Variants in FAM89A observed in about 807,000 individuals in gnomAD.
FAM89A encodes protein FAM89A.
In FAM89A, 10 loss-of-function variants were observed where a neutral mutation model predicts 7.1. That is an observed-to-expected ratio of 1.40 (90% CI 0.86 to 2.38). The LOEUF (loss-of-function observed/expected upper bound fraction) is 2.38, where lower values mean the gene tolerates loss of function less well. FAM89A is among the 30% of genes most tolerant of loss of function. The probability of loss-of-function intolerance (pLI) is 0.00; values close to 1 mark genes in which losing one functional copy is unlikely to be tolerated. For synonymous variants in FAM89A, 157 were observed against 129.3 expected (o/e 1.21, Z -1.45); for missense variants, 276 against 262.8 (o/e 1.05, Z -0.35).
intron 1 of FAM89A, chr1:231,025,990 C>G (rs1452606178): frequency 1.3e-5 from 2 of 153,598 alleles, no homozygotes; most frequent in East Asian, 3.9e-4. Context: ...GGCTCTGGAA[C>G]CTGCCTACCT....
At chr1:231,039,167 A>G (rs1232480223) in intron 1 of FAM89A, among the ~76,000 whole-genome samples, 2 of 152,252 alleles carry the variant, frequency 1.3e-5, no homozygotes, top group Admixed American at 1.3e-4. Context: ...GTTCTGGTCC[A>G]CAAACAGCTA....
rs138123188 is a variant in FAM89A, at chr1:231,037,293, A to C, written c.291+2628T>G. Among the ~76,000 whole-genome samples the C allele has an allele frequency of 1.3e-3, 203 of 152,366 alleles. 2 individuals carry two copies. In the South Asian group the frequency reaches 0.014, roughly 10 times the overall value. ...AGAAAGCACTTACATTGCACCTAAC[A>C]GAAGATATCCCAAAATACTAAAAGT... On this transcript the variant is annotated intron_variant, in intron 1 of 1. Transcript: ENST00000366654.
chr1:231,019,984 T>C lies in FAM89A; in HGVS notation c.434A>G (p.Glu145Gly). The change falls in exon 2 of 2, where the codon GAG becomes GGG. Residue 145 changes from glutamate to glycine, a missense_variant. Coordinates refer to ENST00000366654, the MANE Select transcript of FAM89A (RefSeq NM_198552.3). The part of the protein sequence containing the change: ...YALENGFFDE[E>G]EEYFQEQNSL... ...GTTCTGCTCCTGGAAATATTCCTCC[T>C]CTTCATCGAAGAAGCCGTTCTCCAG... is the stretch of plus-strand genomic sequence containing the variant. The C allele has an allele frequency of 6.2e-7, 1 of 1,614,170 alleles. No individual in the cohort carries two copies. The highest frequency in any genetic ancestry group is 8.5e-7 in the Non-Finnish European group (1 of 1,180,030).
chr1:231,028,991 C>A (rs2103073638), intron 1 of FAM89A, among the ~76,000 whole-genome samples: 1 of 152,328 alleles, frequency 6.6e-6, no homozygotes, highest in South Asian at 2.1e-4. Context: ...CGGTGGCTCC[C>A]AGCTGGGTGT....
chr1:231,032,388 C>T (rs1263784974), intron 1 of FAM89A, among the ~76,000 whole-genome samples: 1 of 125,286 alleles, frequency 8.0e-6, no homozygotes, highest in South Asian at 3.4e-4. Flanking sequence ...CCCCGCCAGC[C>T]CCCACCCCCC....
chr1:231,029,203 C>T (rs1165747178), intron 1 of FAM89A, among the ~76,000 whole-genome samples: 1 of 152,142 alleles, frequency 6.6e-6, no homozygotes, highest in Non-Finnish European at 1.5e-5. Context: ...TAAAAAACTG[C>T]CATTTGCAGA....
At chr1:231,036,295 G>A (rs1680154685) in intron 1 of FAM89A, among the ~76,000 whole-genome samples, 1 of 152,252 alleles carries the variant, frequency 6.6e-6, no homozygotes, top group Admixed American at 6.5e-5. Flanking sequence ...CATCTACCAG[G>A]TGTGATAAGC....
chr1:231,025,618 C>G (rs138450229), intron 1 of FAM89A, among the ~76,000 whole-genome samples: 1 of 151,576 alleles, frequency 6.6e-6, no homozygotes, highest in African/African-American at 2.4e-5. Context: ...GATTAGAGTT[C>G]GAAAGGATGT....
At chr1:231,039,644 G>A (rs1420164335) in intron 1 of FAM89A, among the ~76,000 whole-genome samples, 1 of 152,168 alleles carries the variant, frequency 6.6e-6, no homozygotes, top group Admixed American at 6.5e-5. Context: ...GCGCTTCCGG[G>A]CGCCCAGGTT....
chr1:231,024,757 G>T (rs1249369278), intron 1 of FAM89A, among the ~76,000 whole-genome samples: 1 of 151,762 alleles, frequency 6.6e-6, no homozygotes, highest in East Asian at 1.9e-4. Flanking sequence ...GCCCAGGCTG[G>T]TCTCAAACTC....
intron 1 of FAM89A, among the ~76,000 whole-genome samples, chr1:231,020,734 AACTG>A (rs765792294): frequency 1.3e-5 from 2 of 152,218 alleles, no homozygotes; most frequent in African/African-American, 4.8e-5. Flanking sequence ...TCCCCAGAGT[AACTG>A]ACTGAATATG....
chr1:231,036,120 C>A (rs1230759684), intron 1 of FAM89A, among the ~76,000 whole-genome samples: 2 of 152,196 alleles, frequency 1.3e-5, no homozygotes, highest in Non-Finnish European at 2.9e-5. Flanking sequence ...CTGGATTCCC[C>A]ATAAGCCCTA....
intron 1 of FAM89A, among the ~76,000 whole-genome samples, chr1:231,025,479 T>C (rs568413477): frequency 6.6e-6 from 1 of 152,244 alleles, no homozygotes; most frequent in South Asian, 2.1e-4. Context: ...TTTCCAGTAC[T>C]GTACTCAGGA....
At chr1:231,022,263 A>C in intron 1 of FAM89A, 1 of 791,324 alleles carries the variant, frequency 1.3e-6, no homozygotes, top group Non-Finnish European at 2.2e-6. Flanking sequence ...CTGAGCTCAA[A>C]AAGACTGTTT....
chr1:231,024,914 CTTTTTTTTTTTT>C (rs60500715), intron 1 of FAM89A, among the ~76,000 whole-genome samples: 3 of 63,410 alleles, frequency 4.7e-5, no homozygotes, highest in South Asian at 6.7e-4. Context: ...CACAACTACT[CTTTTTTTTTTTT>C]TTTTTTTTTT....
chr1:231,021,429 G>A (rs565301853), intron 1 of FAM89A, among the ~76,000 whole-genome samples: 4 of 152,292 alleles, frequency 2.6e-5, no homozygotes, highest in South Asian at 2.1e-4. Flanking sequence ...CGGTGGCAGC[G>A]CCTGCAGACC....
intron 1 of FAM89A, among the ~76,000 whole-genome samples, chr1:231,034,796 G>T (rs945954532): frequency 4.3e-5 from 6 of 139,358 alleles, no homozygotes; most frequent in Non-Finnish European, 9.3e-5. Context: ...AAAAAAAAAA[G>T]GCAGATTCCT....
intron 1 of FAM89A, among the ~76,000 whole-genome samples, chr1:231,025,400 A>G (rs1679953576): frequency 6.6e-6 from 1 of 152,158 alleles, no homozygotes; most frequent in African/African-American, 2.4e-5. Flanking sequence ...GGTTAGCTCA[A>G]ACACTTTGTG....
In FAM89A at chr1:231,020,125, A is replaced by G; in HGVS notation, c.293T>C (p.Val98Ala). ...GGACATGTCCAGCTGGCGGAGACCA[A>G]CCTTGAGGGAAGGGGTGGGGAGGTA... ...AALALLRKEM[V>A]GLRQLDMSLL... Residue 98 changes from valine (V) to alanine (A), a missense_variant and splice_region_variant, in exon 2 of 2, where the codon GTT (valine) becomes GCT (alanine). Transcript: ENST00000366654. 1 of 1,601,854 alleles carries G rather than the reference A, an allele frequency of 6.2e-7. No homozygotes were observed. The highest frequency in any genetic ancestry group is 8.5e-7 in the Non-Finnish European group (1 of 1,171,298).
Sources: allele counts gnomAD v4.1 joint callset (sites outside exome capture counted in the v4.1 genomes callset), GRCh38; gene constraint gnomAD v4.1.1; transcripts MANE v1.5; gene names NCBI Gene and HGNC (gene_info 2026-07-23, HGNC 2026-07-21).